The following NEBL variants were observed in gnomAD, a reference collection of about 807,000 sequenced individuals.
NEBL encodes the protein nebulette.
Under a neutral mutation model 140.2 loss-of-function variants are expected in NEBL, and 122 were observed. The observed-to-expected ratio is 0.87, with a 90% CI of 0.75 to 1.01. The LOEUF (loss-of-function observed/expected upper bound fraction) is 1.01. Among genes scored for constraint, NEBL ranks in the 50% least tolerant of loss-of-function variants. The pLI, the probability that NEBL is intolerant of heterozygous loss-of-function variation, is 0.00. For synonymous variants in NEBL, 436 were observed against 398.9 expected, an observed-to-expected ratio of 1.09 and a Z score of -1.11; for missense variants, 1,365 against 1,231.3, an observed-to-expected ratio of 1.11 and a Z score of -1.62.
At chr10:20,968,772 A>G (rs1011073570) in intron 3 of NEBL, among the ~76,000 whole-genome samples, 1 of 152,214 alleles carries the variant, frequency 6.6e-6, no homozygotes, top group African/African-American at 2.4e-5. Flanking sequence ...GAAATCCATG[A>G]CTAATTTCAT....
intron 4 of NEBL, among the ~76,000 whole-genome samples, chr10:20,947,798 G>A (rs1001373217): frequency 2.0e-5 from 3 of 152,092 alleles, no homozygotes; most frequent in African/African-American, 4.8e-5. Context: ...TGCTTCATGC[G>A]TAAGTGAGGT....
At chr10:21,104,255 T>A (rs1837609640) in intron 2 of NEBL, among the ~76,000 whole-genome samples, 1 of 152,230 alleles carries the variant, frequency 6.6e-6, no homozygotes, top group African/African-American at 2.4e-5. Flanking sequence ...GCAAGTCAAA[T>A]TCTACAAAAC....
chr10:20,921,973 T>C (rs1015674384), intron 4 of NEBL, among the ~76,000 whole-genome samples: 1 of 152,234 alleles, frequency 6.6e-6, no homozygotes, highest in Non-Finnish European at 1.5e-5. Flanking sequence ...CTCACTACAA[T>C]TTTATGTGAA....
intron 3 of NEBL, among the ~76,000 whole-genome samples, chr10:21,000,633 A>G (rs1837855951): frequency 6.6e-6 from 1 of 152,182 alleles, no homozygotes; most frequent in South Asian, 2.1e-4. Context: ...GTTTAAATTG[A>G]AACTCTGAAC....
chr10:20,827,940 G>A (rs1840040227), intron 17 of NEBL, among the ~76,000 whole-genome samples: 1 of 152,066 alleles, frequency 6.6e-6, no homozygotes, highest in African/African-American at 2.4e-5. Context: ...AGAAGGAGGG[G>A]AGGGAGAGGA....
chr10:21,212,272 A>G (rs1250908497), intron 3 of NEBL, among the ~76,000 whole-genome samples: 1 of 152,042 alleles, frequency 6.6e-6, no homozygotes, highest in Non-Finnish European at 1.5e-5. Flanking sequence ...CAACTTGTAA[A>G]TGTATATATA....
At chr10:20,840,634 C>G (rs771899544) in intron 13 of NEBL, 105 bp downstream of exon 13, 1 of 783,098 alleles carries the variant, frequency 1.3e-6, no homozygotes, top group Non-Finnish European at 2.2e-6. Flanking sequence ...TTTACAATCA[C>G]TTACATATAA....
At chr10:21,257,928 C>G (rs1199367474) in intron 1 of NEBL, among the ~76,000 whole-genome samples, 1 of 151,732 alleles carries the variant, frequency 6.6e-6, no homozygotes, top group Non-Finnish European at 1.5e-5. Flanking sequence ...CACACACACA[C>G]ACACTACATA....
intron 3 of NEBL, among the ~76,000 whole-genome samples, chr10:21,191,546 T>C (rs573133371): frequency 1.3e-5 from 2 of 152,208 alleles, no homozygotes; most frequent in East Asian, 3.9e-4. Flanking sequence ...ATCTTTGGAA[T>C]GTCCTATCGT....
intron 3 of NEBL, 91 bp downstream of exon 3, chr10:20,889,754 A>G (rs1846856102): frequency 1.2e-6 from 1 of 819,748 alleles, no homozygotes; most frequent in Non-Finnish European, 2.1e-6. Flanking sequence ...TTTTGAAAAT[A>G]TTATTCTTCA....
At chr10:21,025,370 A>T (rs1384145923) in intron 2 of NEBL, among the ~76,000 whole-genome samples, 1 of 152,250 alleles carries the variant, frequency 6.6e-6, no homozygotes, top group East Asian at 1.9e-4. Context: ...AGTTGCAACA[A>T]ATCCAGATTT....
chr10:20,853,691 A>G (rs1842766467), intron 9 of NEBL, among the ~76,000 whole-genome samples: 1 of 152,140 alleles, frequency 6.6e-6, no homozygotes, highest in South Asian at 2.1e-4. Context: ...GGGAGGCTGA[A>G]CTTATGAAGA....
chr10:21,132,422 G>A (rs1272548116), intron 2 of NEBL, among the ~76,000 whole-genome samples: 3 of 152,134 alleles, frequency 2.0e-5, no homozygotes, highest in Admixed American at 6.5e-5. Context: ...CTTTTTAGCT[G>A]TTATGCATAA....
chr10:20,841,254 A>C, intron 12 of NEBL: 1 of 182,520 alleles, frequency 5.5e-6, no homozygotes, highest in South Asian at 1.1e-4. Context: ...TACAAAATCA[A>C]AAGGAGTGAT....
At chr10:21,247,749 G>C (rs566916210) in intron 3 of NEBL, 1 of 153,156 alleles carries the variant, frequency 6.5e-6, no homozygotes, top group African/African-American at 2.4e-5. Flanking sequence ...TGACACAGAG[G>C]AGATGGCTTC....
In NEBL at chr10:20,990,401, C is replaced by T. The variant is rs76376228; in HGVS notation, c.250-28622G>A. On this transcript the variant is annotated intron_variant, in intron 3 of 6. Transcript: ENST00000417816. ...AATTAGATCATGAGGACAGGGACCT[C>T]GTGATTGGGATTAGTGTCCTTATAA... Among the ~76,000 whole-genome samples the T allele has an allele frequency of 0.02, 2,990 of 152,198 alleles. 389 individuals are homozygous for T. The East Asian group carries it at 0.36, about 18-fold the overall frequency.
At chr10:20,873,271 G>T (rs1845160572) in intron 5 of NEBL, among the ~76,000 whole-genome samples, 1 of 152,138 alleles carries the variant, frequency 6.6e-6, no homozygotes, top group South Asian at 2.1e-4. Flanking sequence ...TGGAACAGTG[G>T]ACTGGCCTTC....
At chr10:20,991,008 A>G (rs1837435041) in intron 3 of NEBL, among the ~76,000 whole-genome samples, 1 of 152,172 alleles carries the variant, frequency 6.6e-6, no homozygotes, top group South Asian at 2.1e-4. Flanking sequence ...GCCCTATACA[A>G]CAAATTAGCA....
intron 2 of NEBL, among the ~76,000 whole-genome samples, chr10:21,078,342 C>T (rs1836200362): frequency 6.6e-6 from 1 of 152,130 alleles, no homozygotes; most frequent in Non-Finnish European, 1.5e-5. Flanking sequence ...ATAAGCCTTT[C>T]AAATTATTAC....
Sources: gnomAD v4.1 joint callset for allele counts (sites outside exome capture counted in the v4.1 genomes callset) on GRCh38, gnomAD v4.1.1 for gene constraint, MANE v1.5 for transcripts, NCBI Gene and HGNC (gene_info 2026-07-23, HGNC 2026-07-21) for gene names.